DENND1A: variants seen among roughly 807,000 people sequenced by gnomAD.
The protein encoded by DENND1A is DENN domain-containing protein 1A.
A neutral mutation model predicts 113.7 loss-of-function variants in DENND1A; 51 were observed. The observed-to-expected ratio is 0.45, with a 90% CI of 0.36 to 0.57. The LOEUF (loss-of-function observed/expected upper bound fraction) is 0.57. Among genes scored for constraint, DENND1A ranks in the 20% least tolerant of loss-of-function variants. The pLI is 0.00. For synonymous variants in DENND1A, 565 were observed against 570.8 expected (o/e 0.99, Z 0.14); for missense variants, 1,258 against 1,395.9 (o/e 0.90, Z 1.57).
chr9:123,412,699 T>C (rs773430121), intron 19 of DENND1A, among the ~76,000 whole-genome samples: 2 of 152,198 alleles, frequency 1.3e-5, no homozygotes, highest in African/African-American at 2.4e-5. Flanking sequence ...CTGCCTGTCT[T>C]GATGCTCTCG....
At chr9:123,676,651 T>A in intron 6 of DENND1A, 69 bp downstream of exon 6, 2 of 1,457,280 alleles carry the variant, frequency 1.4e-6, no homozygotes, top group East Asian at 4.9e-5. Flanking sequence ...ATATAAGGCA[T>A]GTTTTACTTT....
At chr9:123,513,163 G>A (rs998271979) in intron 13 of DENND1A, among the ~76,000 whole-genome samples, 1 of 152,212 alleles carries the variant, frequency 6.6e-6, no homozygotes, top group African/African-American at 2.4e-5. Context: ...ACCTCTGGGT[G>A]GAAGGGCTCC....
At chr9:123,717,585 TACTAC>T in intron 5 of DENND1A, among the ~76,000 whole-genome samples, 1 of 152,356 alleles carries the variant, frequency 6.6e-6, no homozygotes, top group African/African-American at 2.4e-5. Context: ...ATTCTAATTA[TACTAC>T]ACAAGTCTCA....
chr9:123,728,317 AAAATAC>A (rs200950796), intron 5 of DENND1A, among the ~76,000 whole-genome samples: 2,831 of 151,056 alleles, frequency 0.019, 35 homozygotes, highest in Middle Eastern at 0.031. Context: ...GTCTCTACTA[AAAATAC>A]AAAATTAGCC....
chr9:123,705,934 C>A (rs1015586422), intron 5 of DENND1A, among the ~76,000 whole-genome samples: 2 of 152,094 alleles, frequency 1.3e-5, no homozygotes, highest in African/African-American at 4.8e-5. Flanking sequence ...TATGTACCAT[C>A]CTTGGGAGAA....
At chr9:123,873,746 T>C (rs553985231) in intron 2 of DENND1A, among the ~76,000 whole-genome samples, 65 of 151,696 alleles carry the variant, frequency 4.3e-4, no homozygotes, top group African/African-American at 1.4e-3. Flanking sequence ...TATCTATCTC[T>C]CTTTTTTTTT....
chr9:123,478,182 T>C (rs1414349749), intron 13 of DENND1A, among the ~76,000 whole-genome samples: 1 of 152,248 alleles, frequency 6.6e-6, no homozygotes, highest in Non-Finnish European at 1.5e-5. Flanking sequence ...TGACACGGAC[T>C]GAACCCAGAT....
chr9:123,662,549 C>T (rs2063296420), intron 8 of DENND1A, among the ~76,000 whole-genome samples: 1 of 152,154 alleles, frequency 6.6e-6, no homozygotes, highest in South Asian at 2.1e-4. Flanking sequence ...AATGACAGAG[C>T]GAGACTGTCT....
chr9:123,490,457 G>C (rs192046541), intron 13 of DENND1A, among the ~76,000 whole-genome samples: 101 of 152,018 alleles, frequency 6.6e-4, no homozygotes, highest in South Asian at 3.1e-3. Flanking sequence ...GGCGTGGTGG[G>C]GGGCACCTGT....
intron 8 of DENND1A, among the ~76,000 whole-genome samples, chr9:123,664,433 A>C (rs2063397505): frequency 6.6e-6 from 1 of 151,858 alleles, no homozygotes; most frequent in Admixed American, 6.6e-5. Context: ...CTATTTTTCA[A>C]TTTTACTTTA....
At chr9:123,632,784 C>T (rs2061534268) in intron 9 of DENND1A, among the ~76,000 whole-genome samples, 1 of 152,128 alleles carries the variant, frequency 6.6e-6, no homozygotes, top group South Asian at 2.1e-4. Context: ...CCCTTTCCAC[C>T]CGTCCCCCAA....
At chr9:123,680,276 C>G (rs2064357909) in intron 5 of DENND1A, among the ~76,000 whole-genome samples, 1 of 152,214 alleles carries the variant, frequency 6.6e-6, no homozygotes, top group Non-Finnish European at 1.5e-5. Flanking sequence ...GCTCTACCCT[C>G]ACTCCCAGGC....
intron 21 of DENND1A, among the ~76,000 whole-genome samples, chr9:123,392,084 C>T (rs1483533966): frequency 6.6e-6 from 1 of 152,190 alleles, no homozygotes; most frequent in African/African-American, 2.4e-5. Flanking sequence ...CCGGTTAGCG[C>T]GCGCGTGTGA....
At chr9:123,920,696 A>G (rs981336689) in intron 1 of DENND1A, among the ~76,000 whole-genome samples, 7 of 151,332 alleles carry the variant, frequency 4.6e-5, no homozygotes, top group African/African-American at 1.5e-4. Context: ...AGTAGCTGGG[A>G]TTACAGGCAT....
chr9:123,825,951 G>C (rs962516412), intron 2 of DENND1A, among the ~76,000 whole-genome samples: 1 of 152,196 alleles, frequency 6.6e-6, no homozygotes, highest in Admixed American at 6.5e-5. Flanking sequence ...TTCTTTTTCT[G>C]CTGCCATGAG....
At chr9:123,660,848 T>C (rs1320846406) in intron 8 of DENND1A, among the ~76,000 whole-genome samples, 1 of 152,190 alleles carries the variant, frequency 6.6e-6, no homozygotes, top group Non-Finnish European at 1.5e-5. Flanking sequence ...ACTAACGAAG[T>C]GGTTTTCAAG....
intron 3 of DENND1A, among the ~76,000 whole-genome samples, chr9:123,771,564 A>G (rs1467486183): frequency 1.3e-5 from 2 of 152,186 alleles, no homozygotes; most frequent in Admixed American, 1.3e-4. Context: ...TCTCTACTCT[A>G]TGCTGGAGTT....
At chr9:123,870,698 G>C (rs778003651) in intron 2 of DENND1A, among the ~76,000 whole-genome samples, 17 of 152,058 alleles carry the variant, frequency 1.1e-4, no homozygotes, top group Non-Finnish European at 2.4e-4. Context: ...GCCTCCCAAA[G>C]TGCTGGGATT....
intron 9 of DENND1A, among the ~76,000 whole-genome samples, chr9:123,641,450 A>G (rs918170593): frequency 1.3e-5 from 2 of 151,768 alleles, no homozygotes; most frequent in African/African-American, 2.4e-5. Context: ...AAAAAAAAAA[A>G]AAAAAGAAAC....
Sources: gnomAD v4.1 joint callset for allele counts (sites outside exome capture counted in the v4.1 genomes callset) on GRCh38, gnomAD v4.1.1 for gene constraint, MANE v1.5 for transcripts, NCBI Gene and HGNC (gene_info 2026-07-23, HGNC 2026-07-21) for gene names.